KCNN2: variants seen among roughly 807,000 people sequenced by gnomAD.
KCNN2 encodes the protein potassium calcium-activated channel subfamily N member 2, also known as small conductance calcium-activated potassium channel protein 2.
A neutral mutation model predicts 55.5 loss-of-function variants in KCNN2; 24 were observed. The observed-to-expected ratio is 0.43, with a 90% CI of 0.31 to 0.61. The LOEUF is 0.61. Ranked by LOEUF, KCNN2 falls within the 20% of genes least tolerant of loss-of-function variation. The pLI is 0.08. For synonymous variants in KCNN2, 431 were observed against 336.1 expected (o/e 1.28, Z -3.09); for missense variants, 754 against 853.6 (o/e 0.88, Z 1.45).
intron 2 of KCNN2, among the ~76,000 whole-genome samples, chr5:114,263,589 G>A (rs1755154076): frequency 6.6e-6 from 1 of 152,106 alleles, no homozygotes; most frequent in South Asian, 2.1e-4. Flanking sequence ...TCAGTGGGCA[G>A]TATGATCTAA....
chr5:114,384,852 A>C (rs1036913430), intron 2 of KCNN2, among the ~76,000 whole-genome samples: 2 of 152,192 alleles, frequency 1.3e-5, no homozygotes, highest in Admixed American at 6.5e-5. Flanking sequence ...GTGGGAGCCT[A>C]CGTGACACAC....
At chr5:114,199,659 A>G (rs1753631175) in intron 1 of KCNN2, among the ~76,000 whole-genome samples, 1 of 151,114 alleles carries the variant, frequency 6.6e-6, no homozygotes, top group African/African-American at 2.4e-5. Flanking sequence ...TTTCATTCCC[A>G]TGTTTGAGAC....
At chr5:114,490,586 G>T in intron 6 of KCNN2, 1 of 396,692 alleles carries the variant, frequency 2.5e-6, no homozygotes, top group Non-Finnish European at 4.4e-6. Flanking sequence ...AATGAATCGA[G>T]CCCCTTGTGC....
Position 114,208,482 on chromosome 5 carries a change from T to G in KCNN2, c.-270-12998T>G, listed in dbSNP as rs569973849. Among the ~76,000 whole-genome samples the G allele has an allele frequency of 5.8e-4, 89 of 152,330 alleles. 1 individual carries two copies. The South Asian group carries it at 0.016, about 27-fold the overall frequency. On this transcript the variant is annotated intron_variant, in intron 1 of 10. Coordinates refer to the KCNN2 transcript ENST00000512097. Reference sequence around the variant, plus strand: ...ATGAGGGTGGTGCCCAATTCCAGGTTGGCTACTTGGCTCTGTAGTGTATCT... The same window carrying G: ...ATGAGGGTGGTGCCCAATTCCAGGTGGGCTACTTGGCTCTGTAGTGTATCT...
At chr5:114,156,575 T>C (rs1752639851) in intron 1 of KCNN2, among the ~76,000 whole-genome samples, 1 of 152,148 alleles carries the variant, frequency 6.6e-6, no homozygotes, top group African/African-American at 2.4e-5. Context: ...TGGTTTGTAG[T>C]TCTCCTTGTA....
chr5:114,230,108 T>C (rs1754326787), intron 2 of KCNN2, among the ~76,000 whole-genome samples: 1 of 152,138 alleles, frequency 6.6e-6, no homozygotes, highest in South Asian at 2.1e-4. Flanking sequence ...TCTTTTGAGA[T>C]ATATTAGTAA....
Position 114,135,737 on chromosome 5 carries a change from A to G in KCNN2, c.-271+79237A>G, listed in dbSNP as rs79343836. ...ACAGAAATTAAACAAAAAGAAATCT[A>G]CTGGAAACAGAGACTGTGAAAGTGA... On this transcript the variant is annotated intron_variant, in intron 1 of 10. Coordinates refer to the KCNN2 transcript ENST00000512097. 1.3e-3 allele frequency among the ~76,000 whole-genome samples: 205 copies of G among 152,326 alleles called. 6 individuals are homozygous for G. In the East Asian group the frequency reaches 0.037, roughly 27 times the overall value.
At chr5:114,097,555 ATGCTGTCTCTCGCCACTTCC>A (rs527503021) in intron 1 of KCNN2, among the ~76,000 whole-genome samples, 71 of 152,270 alleles carry the variant, frequency 4.7e-4, no homozygotes, top group African/African-American at 1.7e-3. Flanking sequence ...AAATATTAAA[ATGCTGTCTCTCGCCACTTCC>A]TGCCCAGTCC....
intron 1 of KCNN2, among the ~76,000 whole-genome samples, chr5:114,168,696 A>G (rs1310325903): frequency 6.6e-6 from 1 of 152,126 alleles, no homozygotes; most frequent in Non-Finnish European, 1.5e-5. Context: ...TCTGTTCTGC[A>G]GCGTGTAGCA....
At chr5:114,372,040 C>A (rs1018579434) in intron 2 of KCNN2, among the ~76,000 whole-genome samples, 1 of 152,166 alleles carries the variant, frequency 6.6e-6, no homozygotes, top group Non-Finnish European at 1.5e-5. Flanking sequence ...AGCATATCAG[C>A]CTGTCAGAAT....
intron 1 of KCNN2, among the ~76,000 whole-genome samples, chr5:114,076,657 A>C (rs2112533861): frequency 6.6e-6 from 1 of 152,224 alleles, no homozygotes; most frequent in South Asian, 2.1e-4. Context: ...ATTTTCCAAA[A>C]GAAGAAGGTA....
chr5:114,077,442 G>A (rs1188375414), intron 1 of KCNN2, among the ~76,000 whole-genome samples: 1 of 152,164 alleles, frequency 6.6e-6, no homozygotes, highest in African/African-American at 2.4e-5. Flanking sequence ...TAGTGTAGGG[G>A]CAGTGGGGTA....
At chr5:114,307,542 C>T (rs1756309329) in intron 2 of KCNN2, among the ~76,000 whole-genome samples, 1 of 152,112 alleles carries the variant, frequency 6.6e-6, no homozygotes, top group South Asian at 2.1e-4. Flanking sequence ...AACCCAGTGC[C>T]ATGGTCACAT....
At chr5:114,470,558 A>C (rs1317846271) in intron 4 of KCNN2, among the ~76,000 whole-genome samples, 2 of 152,170 alleles carry the variant, frequency 1.3e-5, no homozygotes, top group African/African-American at 4.8e-5. Context: ...TTCATGGTAG[A>C]TGTTTGAAAG....
At chr5:114,198,103 TTAAA>T (rs1753595870) in intron 1 of KCNN2, among the ~76,000 whole-genome samples, 1 of 152,026 alleles carries the variant, frequency 6.6e-6, no homozygotes, top group Admixed American at 6.6e-5. Flanking sequence ...ATGAATTTTT[TTAAA>T]TAAATAGTTT....
intron 2 of KCNN2, among the ~76,000 whole-genome samples, chr5:114,379,588 A>C (rs1352990181): frequency 1.1e-5 from 1 of 87,612 alleles, no homozygotes; most frequent in South Asian, 2.9e-4. Flanking sequence ...AATATATTAT[A>C]TAACATATTA....
intron 2 of KCNN2, among the ~76,000 whole-genome samples, chr5:114,390,054 T>G (rs995655322): frequency 6.6e-6 from 1 of 152,150 alleles, no homozygotes; most frequent in African/African-American, 2.4e-5. Flanking sequence ...AATGAGATAA[T>G]AACTATGACC....
intron 1 of KCNN2, among the ~76,000 whole-genome samples, chr5:114,107,459 G>A (rs985477152): frequency 4.6e-5 from 7 of 151,936 alleles, no homozygotes; most frequent in South Asian, 2.1e-4. Flanking sequence ...ATCATGGCTC[G>A]CTGCAGCCTC....
At chr5:114,266,732 G>A (rs988776388) in intron 2 of KCNN2, among the ~76,000 whole-genome samples, 3 of 152,066 alleles carry the variant, frequency 2.0e-5, no homozygotes, top group Admixed American at 1.3e-4. Flanking sequence ...AAGTTTCTTC[G>A]TTGCACACCA....
Sources: allele counts gnomAD v4.1 joint callset (sites outside exome capture counted in the v4.1 genomes callset), GRCh38; gene constraint gnomAD v4.1.1; transcripts MANE v1.5; gene names NCBI Gene and HGNC (gene_info 2026-07-23, HGNC 2026-07-21).